The following MAP3K3 variants were observed in gnomAD, a reference collection of about 807,000 sequenced individuals.
MAP3K3 encodes the protein MAP/ERK kinase kinase 3.
MAP3K3 carries 12 observed loss-of-function variants against 80.9 expected under a neutral mutation model. The ratio of observed to expected loss-of-function variants is 0.15; its 90% CI spans 0.10 to 0.24. MAP3K3 has a LOEUF of 0.24. Among genes scored for constraint, MAP3K3 ranks in the 10% least tolerant of loss-of-function variants. The probability of loss-of-function intolerance (pLI) is 1.00; values close to 1 mark genes in which losing one functional copy is unlikely to be tolerated. For missense variants in MAP3K3, 596 were observed against 834.7 expected (o/e 0.71, Z 3.52); for synonymous variants, 272 against 307.1 (o/e 0.89, Z 1.19).
intron 6 of MAP3K3, among the ~76,000 whole-genome samples, chr17:63,671,288 G>C (rs1445915784): frequency 7.0e-6 from 1 of 142,188 alleles, no homozygotes; most frequent in Non-Finnish European, 1.5e-5. Context: ...ACGGAGTCTT[G>C]CTCTGTCACC....
intron 2 of MAP3K3, chr17:63,636,655 C>T (rs961586570): frequency 4.1e-6 from 1 of 246,244 alleles, no homozygotes; most frequent in Admixed American, 4.1e-5. Flanking sequence ...CACGCAGATC[C>T]AGCATGTGTC....
In MAP3K3 at chr17:63,688,868, G is replaced by C; in HGVS notation, c.858G>C (p.Lys286Asn). The C allele has an allele frequency of 6.2e-7, 1 of 1,613,530 alleles. No homozygotes were observed. The highest frequency in any genetic ancestry group is 1.1e-5 in the South Asian group (1 of 91,074). Residue 286 changes from lysine (K) to asparagine (N), a missense_variant, in exon 10 of 16, where the codon AAG becomes AAC. By Grantham distance (94) the Lys-to-Asn change is moderately conservative. Around this residue, in one of 2 missense-constraint regions of MAP3K3, gnomAD observed 364 missense variants for 588.9 expected, o/e 0.62. Transcript: ENST00000361733. ...GCTACCACGTGTCTGTGCACCACAA[G>C]GACTACAGTGATGGTGAGTTCTTCT... Reference protein sequence around the residue: ...PRRYHVSVHHKDYSDGRRTFP... With the variant: ...PRRYHVSVHHNDYSDGRRTFP...
chr17:63,673,685 C>T (rs1482094066), intron 6 of MAP3K3, among the ~76,000 whole-genome samples: 2 of 151,876 alleles, frequency 1.3e-5, no homozygotes, highest in African/African-American at 4.8e-5. Context: ...CCAAGGCGGG[C>T]AAATCACCTG....
At chr17:63,630,058 G>A (rs956832429) in intron 1 of MAP3K3, among the ~76,000 whole-genome samples, 26 of 152,156 alleles carry the variant, frequency 1.7e-4, no homozygotes, top group African/African-American at 5.8e-4. Context: ...TACTTAGGGT[G>A]GTTAATGTTG....
intron 6 of MAP3K3, among the ~76,000 whole-genome samples, chr17:63,673,399 G>C (rs1056488905): frequency 1.4e-5 from 2 of 139,260 alleles, no homozygotes; most frequent in Non-Finnish European, 3.2e-5. Context: ...AAACAAAACA[G>C]AAACAAACAA....
chr17:63,686,167 C>T (rs766417391), intron 8 of MAP3K3, among the ~76,000 whole-genome samples: 3 of 152,172 alleles, frequency 2.0e-5, no homozygotes, highest in Non-Finnish European at 4.4e-5. Flanking sequence ...TCCCTCGCCT[C>T]TGCCTCATTA....
chr17:63,665,026 G>T (rs956840404), intron 5 of MAP3K3, among the ~76,000 whole-genome samples: 2 of 152,016 alleles, frequency 1.3e-5, no homozygotes, highest in Non-Finnish European at 2.9e-5. Flanking sequence ...CAGGCAGCTG[G>T]GCATGGTCGC....
chr17:63,637,881 T>A (rs901421671), intron 2 of MAP3K3, among the ~76,000 whole-genome samples: 28 of 152,152 alleles, frequency 1.8e-4, no homozygotes, highest in Admixed American at 5.9e-4. Flanking sequence ...CATGAGTGGG[T>A]GCTTCAGAAC....
intron 4 of MAP3K3, among the ~76,000 whole-genome samples, chr17:63,654,033 A>AT (rs530416338): frequency 1.2e-4 from 18 of 151,974 alleles, no homozygotes; most frequent in African/African-American, 4.3e-4. Flanking sequence ...CACCCAGCTA[A>AT]TTTTTTTGTA....
chr17:63,695,089 GAAA>G lies in MAP3K3; in HGVS notation c.*1328_*1330del, dbSNP rs34163987. ...GTTTCCTTGGGAGTTGTCATTAAAGGAAAAAAAAAAAAAAAAAAGCCAGTGCCC... is the reference window on the plus strand; with the variant it reads ...GTTTCCTTGGGAGTTGTCATTAAAGGAAAAAAAAAAAAAAAGCCAGTGCCC... On this transcript the variant is annotated 3_prime_UTR_variant, in exon 16 of 16. Coordinates refer to ENST00000361733, the MANE Select transcript of MAP3K3 (RefSeq NM_002401.5). The surrounding 1 kb of genome is among the most constrained non-coding windows in gnomAD (Gnocchi z 4.1). 0.027 allele frequency: 3,267 copies of G among 120,346 alleles called. 41 individuals carry two copies. The highest frequency in any genetic ancestry group is 0.039 in the African/African-American group (1,284 of 33,196). 7.5% of individuals were successfully genotyped at this position (120,346 alleles called of 1,614,324 possible).
intron 2 of MAP3K3, among the ~76,000 whole-genome samples, chr17:63,641,568 ATTAC>A (rs942701137): frequency 5.3e-5 from 8 of 152,122 alleles, no homozygotes; most frequent in Admixed American, 5.2e-4. Context: ...AAAAACTGCA[ATTAC>A]TTTTGCACCA....
At chr17:63,643,090 TAAACAA>T (rs2034476782) in intron 2 of MAP3K3, among the ~76,000 whole-genome samples, 3 of 149,868 alleles carry the variant, frequency 2.0e-5, no homozygotes, top group Non-Finnish European at 3.0e-5. Flanking sequence ...AAAAAAAAAT[TAAACAA>T]AAACAAAAAC....
intron 3 of MAP3K3, among the ~76,000 whole-genome samples, chr17:63,647,610 C>T (rs908107858): frequency 2.0e-5 from 3 of 152,254 alleles, no homozygotes; most frequent in South Asian, 2.1e-4. Context: ...AGCAGCAGAA[C>T]GTTGCTTATC....
In MAP3K3 at chr17:63,692,268, G is replaced by A; in HGVS notation, c.1501G>A (p.Gly501Arg). The A allele has an allele frequency of 6.2e-7, 1 of 1,613,996 alleles. No homozygotes were observed. Reference protein sequence around the residue: ...KGANILRDSAGNVKLGDFGAS... With the variant: ...KGANILRDSARNVKLGDFGAS... ...AGCCAACATCCTCCGAGACTCTGCT[G>A]GGAATGTAAAGCTGGGGGACTTTGG... Residue 501 changes from glycine (G) to arginine (R), a missense_variant, in exon 15 of 16, where the codon GGG (glycine) becomes AGG (arginine). This residue lies in a region of MAP3K3 where 364 missense variants were observed against 588.9 expected (regional missense o/e 0.62). Transcript: ENST00000361733. The surrounding 1 kb of genome is among the most constrained non-coding windows in gnomAD (Gnocchi z 4.5).
At chr17:63,680,525 T>C (rs2035308275) in intron 6 of MAP3K3, among the ~76,000 whole-genome samples, 1 of 152,202 alleles carries the variant, frequency 6.6e-6, no homozygotes, top group Non-Finnish European at 1.5e-5. Flanking sequence ...CATTTTTGTC[T>C]TCTCTGATCA....
chr17:63,687,002 A>G (rs2143595748), intron 8 of MAP3K3, among the ~76,000 whole-genome samples: 1 of 152,238 alleles, frequency 6.6e-6, no homozygotes, highest in South Asian at 2.1e-4. Flanking sequence ...TGGGATGGTG[A>G]TGATTAAGGT....
At chr17:63,676,739 A>G (rs1156827616) in intron 6 of MAP3K3, among the ~76,000 whole-genome samples, 2 of 152,194 alleles carry the variant, frequency 1.3e-5, no homozygotes, top group Admixed American at 1.3e-4. Context: ...TTCTGTAATC[A>G]GGAAGCCACC....
intron 5 of MAP3K3, among the ~76,000 whole-genome samples, chr17:63,665,782 G>A (rs1489771187): frequency 6.6e-6 from 1 of 152,188 alleles, no homozygotes; most frequent in Non-Finnish European, 1.5e-5. Context: ...GAGCAAGACA[G>A]TTTTTCAAGA....
At chr17:63,655,301 C>T (rs965414445) in intron 4 of MAP3K3, among the ~76,000 whole-genome samples, 2 of 152,116 alleles carry the variant, frequency 1.3e-5, no homozygotes, top group Non-Finnish European at 2.9e-5. Context: ...GATTCAGTTA[C>T]CTCCCACTGG....
Sources: allele counts gnomAD v4.1 joint callset (sites outside exome capture counted in the v4.1 genomes callset), GRCh38; gene constraint gnomAD v4.1.1; regional missense constraint gnomAD v4.1.1; non-coding constraint Gnocchi (gnomAD v3.1); transcripts MANE v1.5; gene names NCBI Gene and HGNC (gene_info 2026-07-23, HGNC 2026-07-21).